Variants in CDH18 observed in about 807,000 individuals in gnomAD.
CDH18 encodes cadherin 18.
CDH18 carries 31 observed loss-of-function variants against 67.9 expected under a neutral mutation model. The ratio of observed to expected loss-of-function variants is 0.46; its 90% CI spans 0.34 to 0.62. The LOEUF (loss-of-function observed/expected upper bound fraction) is 0.62. Among genes scored for constraint, CDH18 ranks in the 20% least tolerant of loss-of-function variants. The probability of loss-of-function intolerance (pLI) is 0.01; values close to 1 mark genes in which losing one functional copy is unlikely to be tolerated. For missense variants in CDH18, 890 were observed against 975.5 expected (o/e 0.91, Z 1.17); for synonymous variants, 362 against 347.2 (o/e 1.04, Z -0.48).
intron 2 of CDH18, among the ~76,000 whole-genome samples, chr5:20,043,675 T>C (rs930531583): frequency 6.6e-6 from 1 of 152,180 alleles, no homozygotes; most frequent in African/African-American, 2.4e-5. Flanking sequence ...AAAAGTCCAT[T>C]TGCCTATAAA....
intron 2 of CDH18, among the ~76,000 whole-genome samples, chr5:20,244,171 T>A (rs1743196975): frequency 1.1e-5 from 1 of 91,744 alleles, no homozygotes; most frequent in South Asian, 3.3e-4. Context: ...TACAAATGAT[T>A]TTATAACAAC....
intron 1 of CDH18, among the ~76,000 whole-genome samples, chr5:20,503,395 A>G (rs1754458810): frequency 6.6e-6 from 1 of 152,160 alleles, no homozygotes; most frequent in Non-Finnish European, 1.5e-5. Flanking sequence ...TTGTGTTAAT[A>G]TATTTACAGA....
At position 19,612,453 on chromosome 5, in the gene CDH18, G is replaced by C; in HGVS notation, c.792C>G (p.Asn264Lys). The change falls in exon 6 of 13, where the codon AAC (asparagine) becomes AAG (lysine). Residue 264 changes from asparagine (N) to lysine (K), a missense_variant. Asn to Lys is a moderately conservative substitution (Grantham distance 94, BLOSUM62 0). Around this residue, in one of 2 missense-constraint regions of CDH18, gnomAD observed 656 missense variants for 668.1 expected, o/e 0.98. Transcript: ENST00000382275. ...ACGTACTTTGAGGAAAGCGTGGTGG[G>C]TTGTCATTGACATCGGTTAAGGTGA... ...VNITLTDVND[N>K]PPRFPQKHYQ... The C allele has an allele frequency of 6.2e-7, 1 of 1,614,044 alleles. No individual in the cohort carries two copies. The highest frequency in any genetic ancestry group is 8.5e-7 in the Non-Finnish European group (1 of 1,179,980).
chr5:19,690,946 T>G (rs1461100877), intron 5 of CDH18, among the ~76,000 whole-genome samples: 1 of 151,762 alleles, frequency 6.6e-6, no homozygotes, highest in Admixed American at 6.6e-5. Flanking sequence ...TATTCTGATA[T>G]CAAAACTAGA....
intron 1 of CDH18, among the ~76,000 whole-genome samples, chr5:20,333,573 A>T (rs1490607980): frequency 6.7e-6 from 1 of 150,252 alleles, no homozygotes; most frequent in Non-Finnish European, 1.5e-5. Context: ...ATATATATTT[A>T]TATATATCTT....
At chr5:19,654,005 G>T (rs1755959027) in intron 5 of CDH18, among the ~76,000 whole-genome samples, 1 of 152,110 alleles carries the variant, frequency 6.6e-6, no homozygotes, top group Admixed American at 6.6e-5. Context: ...CCTAACTAGA[G>T]CTGAGTCATT....
intron 2 of CDH18, among the ~76,000 whole-genome samples, chr5:20,115,429 C>T (rs891894842): frequency 6.6e-6 from 1 of 151,658 alleles, no homozygotes; most frequent in Non-Finnish European, 1.5e-5. Flanking sequence ...CAGGCATGCA[C>T]CACCATGCCC....
At chr5:20,408,987 T>C (rs1238307679) in intron 1 of CDH18, among the ~76,000 whole-genome samples, 1 of 151,756 alleles carries the variant, frequency 6.6e-6, no homozygotes, top group Non-Finnish European at 1.5e-5. Flanking sequence ...AAGAAGGACA[T>C]TACATAATGA....
chr5:19,759,595 A>G (rs1369940220), intron 3 of CDH18, among the ~76,000 whole-genome samples: 3 of 152,166 alleles, frequency 2.0e-5, no homozygotes, highest in African/African-American at 7.2e-5. Context: ...CCTGACCCCC[A>G]TAATCCCCTA....
intron 2 of CDH18, among the ~76,000 whole-genome samples, chr5:19,915,341 C>G (rs931528957): frequency 6.6e-6 from 1 of 152,216 alleles, no homozygotes; most frequent in African/African-American, 2.4e-5. Flanking sequence ...GCTTTTATAG[C>G]TGACCCTTGG....
At chr5:20,317,166 A>G (rs1737548178) in intron 1 of CDH18, among the ~76,000 whole-genome samples, 1 of 151,972 alleles carries the variant, frequency 6.6e-6, no homozygotes, top group African/African-American at 2.4e-5. Flanking sequence ...CTTTTTTTTG[A>G]GAAGCATATA....
At chr5:19,607,101 T>A (rs1392965658) in intron 6 of CDH18, among the ~76,000 whole-genome samples, 1 of 151,618 alleles carries the variant, frequency 6.6e-6, no homozygotes, top group East Asian at 1.9e-4. Context: ...AAGGCAAAAT[T>A]GTAAATTTAT....
intron 5 of CDH18, among the ~76,000 whole-genome samples, chr5:19,629,906 GAGT>G (rs1752155757): frequency 6.6e-6 from 1 of 151,966 alleles, no homozygotes; most frequent in South Asian, 2.1e-4. Flanking sequence ...TAATTTAAAA[GAGT>G]AGGAGGACAT....
At chr5:20,518,666 A>G (rs1755527016) in intron 1 of CDH18, among the ~76,000 whole-genome samples, 1 of 152,160 alleles carries the variant, frequency 6.6e-6, no homozygotes. Flanking sequence ...GTACACTATT[A>G]AGGAGCCATG....
chr5:20,248,577 C>G (rs2126583461), intron 2 of CDH18, among the ~76,000 whole-genome samples: 1 of 152,276 alleles, frequency 6.6e-6, no homozygotes, highest in East Asian at 1.9e-4. Flanking sequence ...ATTTAGGAAA[C>G]AGAGTATATA....
intron 1 of CDH18, among the ~76,000 whole-genome samples, chr5:20,501,557 ATATATATATATAATATATATATAT>A (rs1292006241): frequency 7.4e-4 from 7 of 9,420 alleles, no homozygotes; most frequent in Non-Finnish European, 1.7e-3. Context: ...TATATATATA[ATATATATATATAATATATATATAT>A]TATATATATA....
At chr5:19,894,472 T>C (rs557941257) in intron 2 of CDH18, among the ~76,000 whole-genome samples, 1 of 152,102 alleles carries the variant, frequency 6.6e-6, no homozygotes, top group South Asian at 2.1e-4. Context: ...TCACTAGGAT[T>C]AAGTAAATGT....
chr5:20,426,569 A>C (rs867760073), intron 1 of CDH18, among the ~76,000 whole-genome samples: 1 of 151,150 alleles, frequency 6.6e-6, no homozygotes, highest in Non-Finnish European at 1.5e-5. Context: ...ACACACATAC[A>C]TATATGAATA....
chr5:19,630,451 A>G (rs1354495022), intron 5 of CDH18, among the ~76,000 whole-genome samples: 1 of 151,980 alleles, frequency 6.6e-6, no homozygotes, highest in Non-Finnish European at 1.5e-5. Context: ...AAATGGAATA[A>G]TGGGTTTAGC....
Sources: allele counts gnomAD v4.1 joint callset (sites outside exome capture counted in the v4.1 genomes callset), GRCh38; gene constraint gnomAD v4.1.1; regional missense constraint gnomAD v4.1.1; transcripts MANE v1.5; gene names NCBI Gene and HGNC (gene_info 2026-07-23, HGNC 2026-07-21).